Variants in TMC1 observed in about 807,000 individuals in gnomAD.
TMC1 encodes transmembrane channel like 1.
In TMC1, 84 loss-of-function variants were observed where a neutral mutation model predicts 105.8. That is an observed-to-expected ratio of 0.79 (90% confidence interval 0.67 to 0.95). The LOEUF is 0.95. Ranked by LOEUF, TMC1 falls within the 40% of genes least tolerant of loss-of-function variation. The probability of loss-of-function intolerance (pLI) is 0.00; values close to 1 mark genes in which losing one functional copy is unlikely to be tolerated. For synonymous variants in TMC1, 315 were observed against 311.5 expected (o/e 1.01, Z -0.12); for missense variants, 817 against 914.1 (o/e 0.89, Z 1.37).
At chr9:72,737,108 T>C (rs570161799) in intron 8 of TMC1, among the ~76,000 whole-genome samples, 12 of 151,986 alleles carry the variant, frequency 7.9e-5, no homozygotes, top group Non-Finnish European at 1.5e-4. Context: ...CTTTTCTACC[T>C]GTGTGGGGAA....
intron 13 of TMC1, among the ~76,000 whole-genome samples, chr9:72,786,430 A>C (rs1828168867): frequency 6.6e-6 from 1 of 152,130 alleles, no homozygotes; most frequent in Admixed American, 6.5e-5. Context: ...GGCGACAGAG[A>C]AGACTCCTCC....
intron 1 of TMC1, among the ~76,000 whole-genome samples, chr9:72,567,688 A>C (rs1396257020): frequency 1.3e-5 from 2 of 152,160 alleles, no homozygotes; most frequent in Non-Finnish European, 2.9e-5. Context: ...ACCTGGTTCC[A>C]CCCTAGACAT....
At chr9:72,529,477 A>G (rs182389729) in intron 1 of TMC1, among the ~76,000 whole-genome samples, 3 of 152,190 alleles carry the variant, frequency 2.0e-5, no homozygotes, top group Admixed American at 2.0e-4. Context: ...GCTGTAATAA[A>G]CCTGCACGCA....
chr9:72,629,156 T>C (rs1352072677), intron 4 of TMC1, among the ~76,000 whole-genome samples: 15 of 152,152 alleles, frequency 9.9e-5, no homozygotes. Flanking sequence ...CTCAAGGACG[T>C]TAGGTAATTA....
At chr9:72,690,213 T>C (rs1826442053) in intron 6 of TMC1, among the ~76,000 whole-genome samples, 1 of 152,108 alleles carries the variant, frequency 6.6e-6, no homozygotes, top group African/African-American at 2.4e-5. Context: ...TAACCTCAAT[T>C]GCATACTAAA....
intron 1 of TMC1, among the ~76,000 whole-genome samples, chr9:72,535,319 A>G (rs552587832): frequency 1.1e-4 from 17 of 152,286 alleles, no homozygotes; most frequent in African/African-American, 4.1e-4. Context: ...GAAAGTTTGG[A>G]TTTCTCCCGA....
intron 10 of TMC1, among the ~76,000 whole-genome samples, chr9:72,743,347 A>G (rs1333312982): frequency 6.7e-6 from 1 of 149,418 alleles, no homozygotes; most frequent in Non-Finnish European, 1.5e-5. Flanking sequence ...AGCCTGGGCG[A>G]CAGAGCGAGA....
chr9:72,718,504 G>C (rs948131811), intron 8 of TMC1, among the ~76,000 whole-genome samples: 2 of 152,190 alleles, frequency 1.3e-5, no homozygotes, highest in African/African-American at 4.8e-5. Flanking sequence ...TGGAGCTACT[G>C]GTCTCTGGGC....
chr9:72,719,353 A>G (rs928387611), intron 8 of TMC1, among the ~76,000 whole-genome samples: 17 of 152,238 alleles, frequency 1.1e-4, no homozygotes, highest in Middle Eastern at 3.4e-3. Flanking sequence ...CGGAGAACCC[A>G]CATGGCTTTT....
At chr9:72,718,354 A>G (rs1826958603) in intron 8 of TMC1, among the ~76,000 whole-genome samples, 2 of 152,118 alleles carry the variant, frequency 1.3e-5, no homozygotes, top group East Asian at 3.9e-4. Context: ...AAAGATCTGA[A>G]GCTCAAGGCT....
chr9:72,658,121 A>G (rs1204900919), intron 5 of TMC1, among the ~76,000 whole-genome samples: 2 of 152,134 alleles, frequency 1.3e-5, no homozygotes. Flanking sequence ...ATATATGTTG[A>G]TTACTGAATA....
intron 12 of TMC1, among the ~76,000 whole-genome samples, chr9:72,770,866 T>C (rs1327590429): frequency 6.6e-6 from 1 of 152,114 alleles, no homozygotes. Flanking sequence ...AGCAAATCCC[T>C]CCTTCTTCCT....
intron 2 of TMC1, among the ~76,000 whole-genome samples, chr9:72,587,790 T>G (rs1824577745): frequency 6.6e-6 from 1 of 151,250 alleles, no homozygotes; most frequent in Non-Finnish European, 1.5e-5. Flanking sequence ...ATTTTTAATT[T>G]TTTTTTTTTT....
intron 12 of TMC1, among the ~76,000 whole-genome samples, chr9:72,755,404 T>G (rs577831539): frequency 6.6e-6 from 1 of 152,288 alleles, no homozygotes; most frequent in African/African-American, 2.4e-5. Context: ...TACTCAATAG[T>G]TAGTACTAAA....
chr9:72,627,355 C>T (rs1278119431), intron 3 of TMC1, among the ~76,000 whole-genome samples: 1 of 151,980 alleles, frequency 6.6e-6, no homozygotes, highest in Non-Finnish European at 1.5e-5. Context: ...CCTGCTTATC[C>T]CAGTGGGGGT....
intron 6 of TMC1, among the ~76,000 whole-genome samples, chr9:72,693,184 A>G: frequency 6.6e-6 from 1 of 151,998 alleles, no homozygotes; most frequent in Non-Finnish European, 1.5e-5. Context: ...TTAGTAATAT[A>G]TGTAATATTT....
intron 1 of TMC1, among the ~76,000 whole-genome samples, chr9:72,531,444 C>T (rs1187321250): frequency 6.6e-6 from 1 of 152,156 alleles, no homozygotes; most frequent in Non-Finnish European, 1.5e-5. Flanking sequence ...AGTTACGTTC[C>T]TAGGGACACT....
At chr9:72,721,088 A>G (rs1182909201) in intron 8 of TMC1, among the ~76,000 whole-genome samples, 1 of 152,242 alleles carries the variant, frequency 6.6e-6, no homozygotes, top group East Asian at 1.9e-4. Flanking sequence ...AAACCAGAAT[A>G]TGCCAGCTCT....
rs78990338 is a variant in TMC1, at chr9:72,809,788, G to A, written c.1695+4278G>A. ...CAACATTAAATCTGTATTCCCACTA[G>A]GGAGAAATTGGCTGGAGTTGAGAAA... On this transcript the variant is annotated intron_variant, in intron 18 of 23. Coordinates refer to ENST00000297784, the MANE Select transcript of TMC1 (RefSeq NM_138691.3). Among the ~76,000 whole-genome samples the A allele has an allele frequency of 2.3e-3, 355 of 152,278 alleles. 3 individuals are homozygous for A. Among genetic ancestry groups the A allele is most frequent in the African/African-American group, 8.1e-3 (338 of 41,544 alleles).
Sources: allele counts gnomAD v4.1 joint callset (sites outside exome capture counted in the v4.1 genomes callset), GRCh38; gene constraint gnomAD v4.1.1; transcripts MANE v1.5; gene names NCBI Gene and HGNC (gene_info 2026-07-23, HGNC 2026-07-21).